The following ZNF462 variants were observed in gnomAD, a reference collection of about 807,000 sequenced individuals.
The protein encoded by ZNF462 is zinc finger protein 462, also known as zinc finger PBX1-interacting protein.
A neutral mutation model predicts 201.9 loss-of-function variants in ZNF462; 10 were observed. That is an observed-to-expected ratio of 0.05 (90% confidence interval 0.03 to 0.08). The LOEUF is 0.08. ZNF462 is among the 10% of genes least tolerant of loss of function. The pLI is 1.00. For missense variants in ZNF462, 2,523 were observed against 3,168.3 expected (o/e 0.80, Z 4.89); for synonymous variants, 1,227 against 1,193.3 (o/e 1.03, Z -0.58).
At chr9:106,904,747 CAA>C (rs769877639) in intron 1 of ZNF462, among the ~76,000 whole-genome samples, 1 of 152,102 alleles carries the variant, frequency 6.6e-6, no homozygotes, top group Non-Finnish European at 1.5e-5. Context: ...AAAGTGTGTC[CAA>C]AGTTTTCTGA....
rs956843262 is a variant in ZNF462, at chr9:106,925,564, C to T, written c.1652C>T (p.Pro551Leu). ...QPPQPPPPPP[P>L]PPPSQPQPLQ... is the part of the protein sequence containing the mutation. ...CCGCAGCCACCACCACCGCCGCCGC[C>T]ACCACCACCATCACAGCCACAGCCA... Residue 551 changes from proline (P) to leucine (L), a missense_variant, in exon 3 of 13, where the codon CCA (proline) becomes CTA (leucine). This residue lies in a region of ZNF462 where 383 missense variants were observed against 453.4 expected (regional missense o/e 0.84). Coordinates refer to ENST00000277225, the MANE Select transcript of ZNF462 (RefSeq NM_021224.6). This position sits in a 1 kb window ranked among gnomAD's most constrained non-coding sequence, Gnocchi z 7.9. The T allele has an allele frequency of 6.2e-7, 1 of 1,612,386 alleles. No homozygotes were observed. The highest frequency in any genetic ancestry group is 8.5e-7 in the Non-Finnish European group (1 of 1,179,270).
chr9:106,925,203 C>G lies in ZNF462; in HGVS notation c.1291C>G (p.Pro431Ala), dbSNP rs1237681488. ...CAAATTATTGGAGACCAAGGGGATT[C>G]CATTTAGAAGATTCATGAATAGGTT... ...GNKLLETKGI[P>A]FRRFMNRFQC... The change falls in exon 3 of 13, where the codon CCA (proline) becomes GCA (alanine). Residue 431 changes from proline (P) to alanine (A), a missense_variant. Physicochemically the swap from Pro to Ala is conservative, Grantham distance 27. Transcript: ENST00000277225. This position sits in a 1 kb window ranked among gnomAD's most constrained non-coding sequence, Gnocchi z 7.9. 6.2e-7 allele frequency: 1 copy of G among 1,614,164 alleles called. No individual in the cohort carries two copies.
rs1471088994 is a variant in ZNF462, at chr9:106,935,054, CA to C, written c.6117-444del. Reference sequence around the variant, plus strand: ...TCACAATGAAAGTAGAATTAGAATTCAAAAAGAAAGTCAGCTCTTTTCAAAT... The same window carrying C: ...TCACAATGAAAGTAGAATTAGAATTCAAAAGAAAGTCAGCTCTTTTCAAAT... On this transcript the variant is annotated intron_variant, in intron 5 of 12. Coordinates refer to ENST00000277225, the MANE Select transcript of ZNF462 (RefSeq NM_021224.6). The surrounding 1 kb of genome is among the most constrained non-coding windows in gnomAD (Gnocchi z 4.1). Among the ~76,000 whole-genome samples, 1 of 152,148 alleles carries C rather than the reference CA, an allele frequency of 6.6e-6. No individual in the cohort carries two copies. Among genetic ancestry groups the C allele is most frequent in the African/African-American group, 2.4e-5 (1 of 41,438 alleles).
intron 5 of ZNF462, among the ~76,000 whole-genome samples, chr9:106,934,725 T>C (rs2131576941): frequency 6.6e-6 from 1 of 152,340 alleles, no homozygotes; most frequent in East Asian, 1.9e-4. Context: ...TTTAGTTCTC[T>C]GGAGTGCTGA....
chr9:106,998,638 T>C (rs564127192), intron 10 of ZNF462, among the ~76,000 whole-genome samples: 1 of 152,044 alleles, frequency 6.6e-6, no homozygotes, highest in South Asian at 2.1e-4. Context: ...GATGGAGTCT[T>C]GCTCTGTCAC....
At position 106,872,676 on chromosome 9, in the gene ZNF462, TTTTAA is replaced by T. The variant is rs1827645295; in HGVS notation, c.-31+9327_-31+9331del. Among the ~76,000 whole-genome samples the T allele has an allele frequency of 6.6e-6, 1 of 152,200 alleles. No individual in the cohort carries two copies. The highest frequency in any genetic ancestry group is 2.4e-5 in the African/African-American group (1 of 41,460). ...CCATGCCCGGCCTCAGAAAAGACCA[TTTTAA>T]TTTAAATATCGGAGTTCAGTTGCAA... On this transcript the variant is annotated intron_variant, in intron 1 of 12. Transcript: ENST00000277225. The surrounding 1 kb of genome is among the most constrained non-coding windows in gnomAD (Gnocchi z 4.5).
intron 7 of ZNF462, among the ~76,000 whole-genome samples, chr9:106,939,634 A>G (rs1229735196): frequency 6.6e-6 from 1 of 152,138 alleles, no homozygotes; most frequent in Non-Finnish European, 1.5e-5. Flanking sequence ...GATGCTAAGG[A>G]GGCATGAGTT....
At position 106,870,010 on chromosome 9, in the gene ZNF462, G is replaced by A. The variant is rs1827517700; in HGVS notation, c.-31+6655G>A. ...CAATTTGGATTTACATTTTGTGCTTGGAAATGCTATCATAAAATTTATCTT... is the reference window on the plus strand; with the variant it reads ...CAATTTGGATTTACATTTTGTGCTTAGAAATGCTATCATAAAATTTATCTT... On this transcript the variant is annotated intron_variant, in intron 1 of 12. Transcript: ENST00000277225. This position sits in a 1 kb window ranked among gnomAD's most constrained non-coding sequence, Gnocchi z 4.3. Among the ~76,000 whole-genome samples the A allele has an allele frequency of 6.6e-6, 1 of 152,106 alleles. No individual in the cohort carries two copies. Among genetic ancestry groups the A allele is most frequent in the African/African-American group, 2.4e-5 (1 of 41,430 alleles).
chr9:106,884,908 G>A (rs1297217540), intron 1 of ZNF462, among the ~76,000 whole-genome samples: 1 of 152,212 alleles, frequency 6.6e-6, no homozygotes, highest in Non-Finnish European at 1.5e-5. Context: ...CACGGTCTAG[G>A]GTCTAATAGT....
At position 106,943,458 on chromosome 9, in the gene ZNF462, A is replaced by T. The variant is rs376361756; in HGVS notation, c.6427+4351A>T. 2.1e-3 allele frequency among the ~76,000 whole-genome samples: 314 copies of T among 152,290 alleles called. 1 individual carries two copies. Among genetic ancestry groups the T allele is most frequent in the African/African-American group, 7.3e-3 (302 of 41,574 alleles). On this transcript the variant is annotated intron_variant, in intron 7 of 12. Coordinates refer to ENST00000277225, the MANE Select transcript of ZNF462 (RefSeq NM_021224.6). ...CATTGCACAGTGGCTTCACTAGCAA[A>T]TACTGACATTCCTACCATCTCTCTA...
chr9:106,899,802 G>A (rs1387836161), intron 1 of ZNF462, among the ~76,000 whole-genome samples: 2 of 152,112 alleles, frequency 1.3e-5, no homozygotes, highest in Non-Finnish European at 2.9e-5. Context: ...CCTTTAGGAG[G>A]AGATAGTGTG....
chr9:106,964,429 C>T (rs1446913094), intron 7 of ZNF462, among the ~76,000 whole-genome samples: 2 of 151,990 alleles, frequency 1.3e-5, no homozygotes, highest in Non-Finnish European at 2.9e-5. Flanking sequence ...ATGTATTCAC[C>T]AGTATTGTGA....
In ZNF462 at chr9:106,872,542, T is replaced by C. The variant is rs1317273283; in HGVS notation, c.-31+9187T>C. Among the ~76,000 whole-genome samples the C allele has an allele frequency of 6.6e-6, 1 of 152,158 alleles. No homozygotes were observed. The highest frequency in any genetic ancestry group is 1.9e-4 in the East Asian group (1 of 5,196). On this transcript the variant is annotated intron_variant, in intron 1 of 12. Coordinates refer to ENST00000277225, the MANE Select transcript of ZNF462 (RefSeq NM_021224.6). The surrounding 1 kb of genome is among the most constrained non-coding windows in gnomAD (Gnocchi z 4.5). ...CATGCCCAGCTAATTTCTTGTATTT[T>C]AGTAGAGACGGGGTTTCACTGTGTT...
chr9:106,874,251 G>A (rs1408176172), intron 1 of ZNF462, among the ~76,000 whole-genome samples: 3 of 152,216 alleles, frequency 2.0e-5, no homozygotes, highest in Non-Finnish European at 2.9e-5. Context: ...CTTGGACAGC[G>A]TAAACTGTGA....
At chr9:106,941,723 T>G (rs1010725000) in intron 7 of ZNF462, among the ~76,000 whole-genome samples, 1 of 152,246 alleles carries the variant, frequency 6.6e-6, no homozygotes, top group African/African-American at 2.4e-5. Flanking sequence ...GAATGAATAA[T>G]TCTGTGGAAA....
chr9:106,887,771 T>A (rs1828385546), intron 1 of ZNF462, among the ~76,000 whole-genome samples: 1 of 152,224 alleles, frequency 6.6e-6, no homozygotes, highest in South Asian at 2.1e-4. Context: ...TCTCTAGATT[T>A]CAAATAGAAT....
At chr9:106,873,287 A>C (rs1288893521) in intron 1 of ZNF462, among the ~76,000 whole-genome samples, 1 of 152,178 alleles carries the variant, frequency 6.6e-6, no homozygotes, top group Non-Finnish European at 1.5e-5. Context: ...TGAATTGTAG[A>C]GGAGATGATA....
At position 106,863,320 on chromosome 9, in the gene ZNF462, A is replaced by G; in HGVS notation, c.-66A>G. Reference sequence around the variant, plus strand: ...GATAAGGAGGCGGTGGGGCTGGAGAACCCGAAGCACCTCCCGGCGCCGGGA... The same window carrying G: ...GATAAGGAGGCGGTGGGGCTGGAGAGCCCGAAGCACCTCCCGGCGCCGGGA... On this transcript the variant is annotated 5_prime_UTR_variant, in exon 1 of 13. Coordinates refer to ENST00000277225, the MANE Select transcript of ZNF462 (RefSeq NM_021224.6). 2.5e-6 allele frequency: 1 copy of G among 396,368 alleles called. No homozygotes were observed. The highest frequency in any genetic ancestry group is 4.4e-6 in the Non-Finnish European group (1 of 224,768). The allele number at this position is 396,368 out of a possible 1,614,324, so 24.6% of individuals were successfully genotyped here.
rs370386974 is a variant in ZNF462 at position 106,891,399 on chromosome 9, C to T, written c.-31+28044C>T. Among the ~76,000 whole-genome samples the T allele has an allele frequency of 1.5e-3, 224 of 151,440 alleles. 1 individual carries two copies. The highest frequency in any genetic ancestry group is 5.3e-3 in the African/African-American group (219 of 41,360). ...TTAAAAACAAGTGATTTTTTTTTCT[C>T]ATCTTGTTGGCGGAGACATACAATA... On this transcript the variant is annotated intron_variant, in intron 1 of 12. Coordinates refer to ENST00000277225, the MANE Select transcript of ZNF462 (RefSeq NM_021224.6).
Sources: gnomAD v4.1 joint callset for allele counts (sites outside exome capture counted in the v4.1 genomes callset) on GRCh38, gnomAD v4.1.1 for gene constraint, gnomAD v4.1.1 regional missense constraint, Gnocchi (gnomAD v3.1) non-coding constraint, MANE v1.5 for transcripts, NCBI Gene and HGNC (gene_info 2026-07-23, HGNC 2026-07-21) for gene names.